PDZD2: variants seen among roughly 807,000 people sequenced by gnomAD.
The protein encoded by PDZD2 is PDZ domain containing 2, also known as PDZ domain-containing protein 2.
PDZD2 carries 90 observed loss-of-function variants against 220.7 expected under a neutral mutation model. The observed-to-expected ratio is 0.41, with a 90% CI of 0.34 to 0.49. The LOEUF (loss-of-function observed/expected upper bound fraction) is 0.49, where lower values mean the gene tolerates loss of function less well. PDZD2 is among the 20% of genes least tolerant of loss of function. The pLI is 0.28. For synonymous variants in PDZD2, 1,375 were observed against 1,450.5 expected, an observed-to-expected ratio of 0.95 and a Z score of 1.18; for missense variants, 3,174 against 3,608.5, an observed-to-expected ratio of 0.88 and a Z score of 3.08.
intron 1 of PDZD2, among the ~76,000 whole-genome samples, chr5:31,765,822 G>A (rs1000086275): frequency 2.0e-5 from 3 of 152,126 alleles, no homozygotes; most frequent in Non-Finnish European, 4.4e-5. Context: ...CAAGGTAGAC[G>A]AATCTTTGAA....
In PDZD2 at chr5:31,858,961, C is replaced by T. The variant is rs113468873; in HGVS notation, c.476+59237C>T. ...CTTGAACTCCTGACCTGAAGTGATC[C>T]GCCTCAGCCTCCCAAAGTGCTGGGA... On this transcript the variant is annotated intron_variant, in intron 2 of 24. Transcript: ENST00000438447. 2.9e-3 allele frequency among the ~76,000 whole-genome samples: 443 copies of T among 152,156 alleles called. 2 individuals carry two copies. Among genetic ancestry groups the T allele is most frequent in the African/African-American group, 9.8e-3 (407 of 41,522 alleles).
chr5:32,095,107 A>G lies in PDZD2; in HGVS notation c.7845+2083A>G, dbSNP rs908600859. ...GTTAGATGAAATGTCAGAGGAGAAG[A>G]CCAGACTGTCCAGCCAACCACAAGC... On this transcript the variant is annotated intron_variant, in intron 21 of 24. Transcript: ENST00000438447. Among the ~76,000 whole-genome samples, 5 of 152,160 alleles carry G rather than the reference A, an allele frequency of 3.3e-5. No homozygotes were observed. The South Asian group carries it at 6.2e-4, about 19-fold the overall frequency.
At chr5:32,036,915 C>G (rs1248677770) in intron 6 of PDZD2, among the ~76,000 whole-genome samples, 2 of 152,206 alleles carry the variant, frequency 1.3e-5, no homozygotes, top group Non-Finnish European at 2.9e-5. Context: ...AACAAGTGTC[C>G]TCAGGTGTAG....
At chr5:31,936,962 T>A (rs1435494252) in intron 2 of PDZD2, among the ~76,000 whole-genome samples, 1 of 151,684 alleles carries the variant, frequency 6.6e-6, no homozygotes, top group Non-Finnish European at 1.5e-5. Context: ...TGTCATGGAG[T>A]GGGGGGAGTG....
intron 1 of PDZD2, among the ~76,000 whole-genome samples, chr5:31,673,686 C>T (rs1042773182): frequency 5.3e-5 from 8 of 152,070 alleles, no homozygotes; most frequent in African/African-American, 1.7e-4. Flanking sequence ...AGAAGAGATA[C>T]TAGGCAGGGT....
At chr5:31,712,904 T>C (rs151164287) in intron 1 of PDZD2, among the ~76,000 whole-genome samples, 1 of 152,230 alleles carries the variant, frequency 6.6e-6, no homozygotes, top group Non-Finnish European at 1.5e-5. Context: ...TGCCAGAAGA[T>C]CAAAACTCCT....
intron 2 of PDZD2, among the ~76,000 whole-genome samples, chr5:31,833,953 C>G (rs766163217): frequency 1.3e-5 from 2 of 152,192 alleles, no homozygotes; most frequent in African/African-American, 2.4e-5. Context: ...GGTTAGCCAC[C>G]AGGATGCCAC....
chr5:32,053,865 G>A lies in PDZD2; in HGVS notation c.1882G>A (p.Asp628Asn), dbSNP rs1460731855. The A allele has an allele frequency of 1.2e-6, 2 of 1,601,782 alleles. No individual in the cohort carries two copies. The highest frequency in any genetic ancestry group is 1.7e-5 in the Admixed American group (1 of 59,976). The change falls in exon 10 of 25, where the codon GAC (aspartate) becomes AAC (asparagine). Residue 628 changes from aspartate (D) to asparagine (N), a missense_variant. By Grantham distance (23) the Asp-to-Asn change is conservative. Transcript: ENST00000438447. ...TIFPNGSAAE[D>N]GRLKEGDEIL... ...CTTCCCAAATGGATCAGCTGCAGAG[G>A]ACGGAAGACTTAAAGAAGGTAGGGG...
At chr5:31,738,934 G>A (rs1209911578) in intron 1 of PDZD2, among the ~76,000 whole-genome samples, 4 of 151,060 alleles carry the variant, frequency 2.6e-5, no homozygotes, top group Non-Finnish European at 5.9e-5. Context: ...CGCTCAGGCT[G>A]GAGTGCAGTG....
chr5:31,806,229 G>C (rs915963752), intron 2 of PDZD2, among the ~76,000 whole-genome samples: 4 of 152,176 alleles, frequency 2.6e-5, no homozygotes, highest in African/African-American at 9.7e-5. Flanking sequence ...AACTGTGAAA[G>C]GAGCAGTTAC....
intron 9 of PDZD2, 118 bp downstream of exon 9, chr5:32,052,848 T>C (rs1738705344): frequency 9.2e-7 from 1 of 1,087,170 alleles, no homozygotes; most frequent in African/African-American, 1.6e-5. Flanking sequence ...TCTTGCTCTG[T>C]TGCCCAGGCC....
chr5:32,052,649 C>T lies in PDZD2; in HGVS notation c.1704C>T (p.Ser568=), dbSNP rs1387591748. ...HIVKKSTRSL[S]TTQVESPWRL... Reference sequence around the variant, plus strand: ...TGAAGAAGTCTACCCGCTCCTTAAGCACGACTCAGGTGGAATCTCCTTGGA... The same window carrying T: ...TGAAGAAGTCTACCCGCTCCTTAAGTACGACTCAGGTGGAATCTCCTTGGA... The change falls in exon 9 of 25, where the codon AGC becomes AGT. Residue 568 remains serine (S), a synonymous_variant. Transcript: ENST00000438447. 4 of 1,613,266 alleles carry T rather than the reference C, an allele frequency of 2.5e-6. No individual in the cohort carries two copies. The highest frequency in any genetic ancestry group is 1.7e-4 in the Middle Eastern group (1 of 6,060).
At chr5:31,964,892 A>G (rs1748586946) in intron 2 of PDZD2, among the ~76,000 whole-genome samples, 3 of 151,628 alleles carry the variant, frequency 2.0e-5, no homozygotes, top group Admixed American at 2.0e-4. Flanking sequence ...ATTTTTTTGT[A>G]TTTTTAGTAG....
intron 2 of PDZD2, among the ~76,000 whole-genome samples, chr5:31,941,716 C>T (rs969263620): frequency 1.3e-5 from 2 of 152,220 alleles, no homozygotes; most frequent in African/African-American, 2.4e-5. Flanking sequence ...TGTTTTCATA[C>T]TGCTGAGACA....
intron 2 of PDZD2, among the ~76,000 whole-genome samples, chr5:31,922,293 G>A (rs145785800): frequency 6.6e-6 from 1 of 152,326 alleles, no homozygotes; most frequent in Non-Finnish European, 1.5e-5. Flanking sequence ...TGAAAGTACA[G>A]CTCTGAGCCC....
At chr5:31,997,403 G>T (rs1313788979) in intron 4 of PDZD2, among the ~76,000 whole-genome samples, 1 of 152,168 alleles carries the variant, frequency 6.6e-6, no homozygotes, top group African/African-American at 2.4e-5. Context: ...AGAATAGGAT[G>T]CTAATCACTA....
At chr5:31,721,229 T>A (rs1748770186) in intron 1 of PDZD2, among the ~76,000 whole-genome samples, 1 of 152,208 alleles carries the variant, frequency 6.6e-6, no homozygotes, top group African/African-American at 2.4e-5. Context: ...CCTCACTGTC[T>A]GACTTTAAGG....
At chr5:32,072,781 A>C (rs1375285080) in intron 17 of PDZD2, among the ~76,000 whole-genome samples, 1 of 152,192 alleles carries the variant, frequency 6.6e-6, no homozygotes, top group African/African-American at 2.4e-5. Context: ...AATGGGCTGG[A>C]TACACATTCT....
intron 5 of PDZD2, among the ~76,000 whole-genome samples, chr5:32,008,284 CT>C (rs58124921): frequency 0.01 from 1,299 of 129,092 alleles, 12 homozygotes; most frequent in African/African-American, 0.032. Context: ...TCTTTTGTTT[CT>C]TTTTTTTTTT....
Sources: allele counts gnomAD v4.1 joint callset (sites outside exome capture counted in the v4.1 genomes callset), GRCh38; gene constraint gnomAD v4.1.1; transcripts MANE v1.5; gene names NCBI Gene and HGNC (gene_info 2026-07-23, HGNC 2026-07-21).